Variants in SAMMSON observed in about 807,000 individuals in gnomAD.
SAMMSON encodes the protein long intergenic non-protein coding RNA 1212.
chr3:70,135,513 C>T (rs749293869), intron 4 of SAMMSON, among the ~76,000 whole-genome samples: 7 of 151,832 alleles, frequency 4.6e-5, no homozygotes, highest in South Asian at 2.1e-4. Context: ...TAATGCAAGC[C>T]GGAAAAAAAC....
rs559917887 is a variant in SAMMSON, at chr3:70,305,473, C to T, written n.739+14230C>T. ...TTTAAATGAGATACAAAAAATATCCCGTTTAGAAATGAGAATTATCTGAGT... is the reference window on the plus strand; with the variant it reads ...TTTAAATGAGATACAAAAAATATCCTGTTTAGAAATGAGAATTATCTGAGT... On this transcript the variant is annotated intron_variant and non_coding_transcript_variant, in intron 7 of 9. Coordinates refer to ENST00000642114, the Ensembl canonical transcript of SAMMSON. Among the ~76,000 whole-genome samples, 55 of 152,030 alleles carry T rather than the reference C, an allele frequency of 3.6e-4. No individual in the cohort carries two copies. The South Asian group carries it at 7.9e-3, about 22-fold the overall frequency.
At chr3:70,087,159 G>C (rs1178807727) in intron 4 of SAMMSON, among the ~76,000 whole-genome samples, 3 of 152,044 alleles carry the variant, frequency 2.0e-5, no homozygotes, top group South Asian at 2.1e-4. Flanking sequence ...CCGCCATGTT[G>C]TTTTTCTGAA....
At chr3:70,274,917 A>C (rs773630401) in intron 6 of SAMMSON, among the ~76,000 whole-genome samples, 1 of 152,200 alleles carries the variant, frequency 6.6e-6, no homozygotes, top group Non-Finnish European at 1.5e-5. Flanking sequence ...GATCTTTATT[A>C]GTTTGGCAAA....
intron 4 of SAMMSON, among the ~76,000 whole-genome samples, chr3:70,143,217 TGAAACATCTGGGCTTGGA>T (rs2067534839): frequency 4.0e-5 from 6 of 151,892 alleles, no homozygotes; most frequent in Non-Finnish European, 1.5e-5. Flanking sequence ...ATCCATGTGA[TGAAACATCTGGGCTTGGA>T]ATTCTAATGT....
chr3:70,160,065 T>G (rs192944791), intron 4 of SAMMSON, among the ~76,000 whole-genome samples: 168 of 152,272 alleles, frequency 1.1e-3, no homozygotes, highest in Non-Finnish European at 2.1e-4. Flanking sequence ...ACACATATTT[T>G]GCAAATATTT....
chr3:70,093,213 T>G (rs955622641), intron 4 of SAMMSON, among the ~76,000 whole-genome samples: 1 of 152,158 alleles, frequency 6.6e-6, no homozygotes, highest in African/African-American at 2.4e-5. Flanking sequence ...ATCAGAATAA[T>G]GCGCACTGAC....
chr3:70,290,603 G>C (rs1301285160), intron 6 of SAMMSON, among the ~76,000 whole-genome samples: 3 of 152,182 alleles, frequency 2.0e-5, no homozygotes, highest in Admixed American at 2.0e-4. Flanking sequence ...TCGAGTTTCC[G>C]GGCTGTTTTG....
chr3:70,182,781 C>T (rs1300873059), intron 4 of SAMMSON, among the ~76,000 whole-genome samples: 1 of 152,106 alleles, frequency 6.6e-6, no homozygotes, highest in Non-Finnish European at 1.5e-5. Context: ...TTAGTTCCCA[C>T]CTGCATGCAT....
chr3:70,189,120 G>A (rs1480797519), intron 4 of SAMMSON, among the ~76,000 whole-genome samples: 1 of 152,162 alleles, frequency 6.6e-6, no homozygotes, highest in Non-Finnish European at 1.5e-5. Flanking sequence ...ACTCAAGGAT[G>A]ACCTCTATTC....
chr3:70,170,579 C>CTTTTTTTTTTTTT (rs538385626), intron 4 of SAMMSON, among the ~76,000 whole-genome samples: 211 of 105,472 alleles, frequency 2.0e-3, no homozygotes, highest in Non-Finnish European at 2.7e-3. Context: ...CTAGATTTTC[C>CTTTTTTTTTTTTT]TTTTTTTTTT....
At chr3:70,366,157 A>G (rs1702918826) in intron 9 of SAMMSON, among the ~76,000 whole-genome samples, 1 of 72,718 alleles carries the variant, frequency 1.4e-5, no homozygotes, top group Admixed American at 1.5e-4. Flanking sequence ...CGCCCGGCTA[A>G]TTTTTTGTAT....
chr3:70,316,768 T>G (rs529152154), intron 7 of SAMMSON, among the ~76,000 whole-genome samples: 1 of 152,246 alleles, frequency 6.6e-6, no homozygotes, highest in Admixed American at 6.5e-5. Flanking sequence ...GGCATGCGAA[T>G]TCAAGGATTT....
At chr3:70,094,302 C>CTAT (rs1406465966) in intron 4 of SAMMSON, among the ~76,000 whole-genome samples, 2 of 152,126 alleles carry the variant, frequency 1.3e-5, no homozygotes, top group African/African-American at 2.4e-5. Flanking sequence ...CCTCAGACAT[C>CTAT]TATTATTGAC....
At chr3:70,344,548 A>G (rs986511884) in intron 7 of SAMMSON, among the ~76,000 whole-genome samples, 1 of 152,218 alleles carries the variant, frequency 6.6e-6, no homozygotes, top group Non-Finnish European at 1.5e-5. Context: ...GGACCTGGGT[A>G]TGAAGAGGGC....
chr3:70,037,524 A>G (rs2067090861), intron 3 of SAMMSON, among the ~76,000 whole-genome samples: 1 of 152,170 alleles, frequency 6.6e-6, no homozygotes, highest in Non-Finnish European at 1.5e-5. Flanking sequence ...GGAGAGAGAA[A>G]AAGGAGGAGA....
At chr3:70,000,586 C>G (rs1327310932) in intron 1 of SAMMSON, among the ~76,000 whole-genome samples, 2 of 152,142 alleles carry the variant, frequency 1.3e-5, no homozygotes, top group African/African-American at 4.8e-5. Flanking sequence ...GTGTATAAAA[C>G]ATTTCTCTTT....
chr3:70,332,122 A>G (rs1200558464), intron 7 of SAMMSON, among the ~76,000 whole-genome samples: 2 of 152,214 alleles, frequency 1.3e-5, no homozygotes, highest in African/African-American at 2.4e-5. Context: ...GGACATGGCA[A>G]TGTAAGACAA....
At chr3:70,082,628 A>G (rs766854931) in intron 4 of SAMMSON, among the ~76,000 whole-genome samples, 3 of 152,164 alleles carry the variant, frequency 2.0e-5, no homozygotes, top group Non-Finnish European at 4.4e-5. Flanking sequence ...AGTCAGTGGA[A>G]AAAATGTGGA....
At chr3:70,031,750 C>G (rs2067066905) in intron 3 of SAMMSON, among the ~76,000 whole-genome samples, 1 of 152,048 alleles carries the variant, frequency 6.6e-6, no homozygotes, top group Admixed American at 6.5e-5. Context: ...TAAATGAAAC[C>G]AACTTGGTCT....
Sources: allele counts gnomAD v4.1 joint callset (sites outside exome capture counted in the v4.1 genomes callset), GRCh38; gene constraint gnomAD v4.1.1; transcripts MANE v1.5; gene names NCBI Gene and HGNC (gene_info 2026-07-23, HGNC 2026-07-21).